COL6A3: variants seen among roughly 807,000 people sequenced by gnomAD.
The protein encoded by COL6A3 is collagen type VI alpha 3 chain.
A neutral mutation model predicts 274.1 loss-of-function variants in COL6A3; 137 were observed. The observed-to-expected ratio is 0.50, with a 90% confidence interval of 0.44 to 0.58. The LOEUF (loss-of-function observed/expected upper bound fraction) is 0.58. COL6A3 is among the 20% of genes least tolerant of loss of function. The pLI is 0.00. For synonymous variants in COL6A3, 1,650 were observed against 1,650.6 expected (o/e 1.00, Z 0.01); for missense variants, 3,950 against 4,124.9 (o/e 0.96, Z 1.16).
chr2:237,332,608 C>G (rs1333752308), intron 42 of COL6A3, among the ~76,000 whole-genome samples: 1 of 152,140 alleles, frequency 6.6e-6, no homozygotes, highest in South Asian at 2.1e-4. Flanking sequence ...AGACGATACA[C>G]CAAAAAATAA....
intron 11 of COL6A3, among the ~76,000 whole-genome samples, chr2:237,366,367 T>C (rs2077551056): frequency 6.6e-6 from 1 of 152,188 alleles, no homozygotes; most frequent in Admixed American, 6.5e-5. Context: ...AAATCAAATA[T>C]TCTGATCTCA....
intron 7 of COL6A3, among the ~76,000 whole-genome samples, chr2:237,376,469 CTG>C (rs1357942654): frequency 1.3e-5 from 2 of 152,240 alleles, no homozygotes; most frequent in South Asian, 2.1e-4. Flanking sequence ...ACCATAAAAA[CTG>C]TTTTTAAAAA....
chr2:237,351,754 TAA>T (rs2077211193), intron 26 of COL6A3, among the ~76,000 whole-genome samples: 1 of 152,260 alleles, frequency 6.6e-6, no homozygotes, highest in Non-Finnish European at 1.5e-5. Flanking sequence ...AATTGTTGAT[TAA>T]TTACAAGTTA....
chr2:237,412,883 G>C (rs1318672484), intron 1 of COL6A3, among the ~76,000 whole-genome samples: 1 of 152,156 alleles, frequency 6.6e-6, no homozygotes, highest in Non-Finnish European at 1.5e-5. Flanking sequence ...CAGCACAGCA[G>C]ACTCCCCTGT....
At position 237,344,601 on chromosome 2, in the gene COL6A3, T is replaced by A; in HGVS notation, c.7417A>T (p.Ile2473Phe). 1.9e-6 allele frequency: 3 copies of A among 1,614,200 alleles called. No individual in the cohort carries two copies. The highest frequency in any genetic ancestry group is 2.5e-6 in the Non-Finnish European group (3 of 1,180,042). The change falls in exon 36 of 44, where the codon ATT becomes TTT. Residue 2473 changes from isoleucine to phenylalanine, a missense_variant. Ile to Phe is a conservative substitution (Grantham distance 21). Transcript: ENST00000295550. This position sits in a 1 kb window ranked among gnomAD's most constrained non-coding sequence, Gnocchi z 4.8. Reference protein sequence around the residue: ...SKRKSVLLDKIKNLQVALTSK... With the variant: ...SKRKSVLLDKFKNLQVALTSK... ...GTCAGAGCCACCTGAAGGTTCTTAA[T>A]CTTGTCCAGGAGGACCGACTTCCTC...
In COL6A3 at chr2:237,340,465, T is replaced by C. The variant is rs61729844; in HGVS notation, c.8451A>G (p.Pro2817=). 152,399 of 1,612,866 alleles carry C rather than the reference T, an allele frequency of 0.094. 8,121 individuals are homozygous for C. The highest frequency in any genetic ancestry group is 0.11 in the Non-Finnish European group (127,157 of 1,179,870). The part of the protein sequence containing the change: ...EPLMRFGRLL[P]SFVSSENAFY... ...CGCAGGACTTACTGCTGACGAAGGA[T>C]GGCAACAGCCTCCCGAAGCGCATCA... The change falls in exon 38 of 44, where the codon CCA becomes CCG. Residue 2817 remains proline (P), a synonymous_variant. Coordinates refer to ENST00000295550, the MANE Select transcript of COL6A3 (RefSeq NM_004369.4).
intron 1 of COL6A3, among the ~76,000 whole-genome samples, chr2:237,409,885 G>A (rs1422531356): frequency 6.6e-6 from 1 of 152,004 alleles, no homozygotes; most frequent in African/African-American, 2.4e-5. Context: ...ATTAGATATG[G>A]GTAAAATGCT....
At chr2:237,359,770 C>T (rs772103289) in intron 17 of COL6A3, among the ~76,000 whole-genome samples, 1 of 152,248 alleles carries the variant, frequency 6.6e-6, no homozygotes, top group Non-Finnish European at 1.5e-5. Context: ...CCTTCCCTGA[C>T]TGCTCCCACG....
intron 3 of COL6A3, among the ~76,000 whole-genome samples, chr2:237,390,484 C>A (rs1160135556): frequency 2.0e-5 from 3 of 152,298 alleles, no homozygotes; most frequent in African/African-American, 7.2e-5. Flanking sequence ...CAAGGCGGAC[C>A]AATGACCAAT....
At chr2:237,394,537 A>T (rs996301410) in intron 3 of COL6A3, 50 bp downstream of exon 3, 1 of 1,612,312 alleles carries the variant, frequency 6.2e-7, no homozygotes, top group South Asian at 1.1e-5. Flanking sequence ...TGCCAAGCTC[A>T]TCTCCCAAGA....
chr2:237,369,288 G>T, intron 9 of COL6A3, 111 bp from the exon 10 acceptor site: 2 of 1,423,558 alleles, frequency 1.4e-6, no homozygotes, highest in Non-Finnish European at 1.9e-6. Context: ...TATATCCCAA[G>T]ATGCCTGTGT....
intron 23 of COL6A3, chr2:237,356,662 G>A (rs1258823378): frequency 6.4e-6 from 1 of 155,394 alleles, no homozygotes; most frequent in Non-Finnish European, 1.4e-5. Context: ...CCAGCATCCT[G>A]AATTTCCTCT....
intron 42 of COL6A3, chr2:237,329,246 G>C (rs564450009): frequency 4.1e-4 from 63 of 152,262 alleles, no homozygotes; most frequent in African/African-American, 1.3e-3. Context: ...GTAGAGACAG[G>C]GTTTCACCAT....
At chr2:237,359,872 C>G (rs1290363512) in intron 17 of COL6A3, among the ~76,000 whole-genome samples, 1 of 152,184 alleles carries the variant, frequency 6.6e-6, no homozygotes, top group Non-Finnish European at 1.5e-5. Context: ...CATGTTTCCA[C>G]AGGAAACTAT....
At position 237,344,529 on chromosome 2, in the gene COL6A3, T is replaced by C. The variant is rs1248735638; in HGVS notation, c.7489A>G (p.Asn2497Asp). ...LETAMSFVAR[N>D]TFKRVRNGFL... The stretch of plus-strand genomic sequence containing the variant: ...CCGTTCCTCACACGCTTAAATGTGT[T>C]CCTGGCCACAAACGACATGGCAGTC... Residue 2497 changes from asparagine (N) to aspartate (D), a missense_variant, in exon 36 of 44, where the codon AAC becomes GAC. Asn to Asp is a conservative substitution (Grantham distance 23). Around this residue, in one of 5 missense-constraint regions of COL6A3, gnomAD observed 1,284 missense variants for 1,349.7 expected, o/e 0.95. Coordinates refer to ENST00000295550, the MANE Select transcript of COL6A3 (RefSeq NM_004369.4). The surrounding 1 kb of genome is among the most constrained non-coding windows in gnomAD (Gnocchi z 4.8). The C allele has an allele frequency of 6.2e-7, 1 of 1,614,154 alleles. No homozygotes were observed. Among genetic ancestry groups the C allele is most frequent in the East Asian group, 2.2e-5 (1 of 44,880 alleles).
At chr2:237,408,375 G>A (rs1274799098) in intron 1 of COL6A3, among the ~76,000 whole-genome samples, 3 of 152,176 alleles carry the variant, frequency 2.0e-5, no homozygotes, top group African/African-American at 7.2e-5. Flanking sequence ...CCTGGGCTCT[G>A]ATGAATGATG....
intron 22 of COL6A3, 152 bp downstream of exon 22, chr2:237,357,665 A>T (rs2077347495): frequency 1.2e-6 from 1 of 863,848 alleles, no homozygotes; most frequent in South Asian, 1.4e-5. Context: ...CCCCACGGAG[A>T]CTTCCTTCAC....
rs778146525 is a variant in COL6A3 at position 237,336,371 on chromosome 2, G to A, written c.8729C>T (p.Ala2910Val). ...CACAGGTTTCGCAGGGGCCGGCTTT[G>A]CAGCGGCTGGCTTCACAGATGGCTG... Reference protein sequence around the residue: ...INQPSVKPAAAKPAPAKPVAA... With the variant: ...INQPSVKPAAVKPAPAKPVAA... Residue 2910 changes from alanine to valine, a missense_variant, in exon 40 of 44, where the codon GCA (alanine) becomes GTA (valine). By Grantham distance (64) the Ala-to-Val change is moderately conservative (BLOSUM62 0). Around this residue, in one of 5 missense-constraint regions of COL6A3, gnomAD observed 1,284 missense variants for 1,349.7 expected, o/e 0.95. Coordinates refer to ENST00000295550, the MANE Select transcript of COL6A3 (RefSeq NM_004369.4). The A allele has an allele frequency of 7.4e-6, 12 of 1,614,106 alleles. No homozygotes were observed. In the East Asian group the frequency reaches 2.5e-4, roughly 33 times the overall value.
In COL6A3 at chr2:237,364,269, A is replaced by T. The variant is rs1459712598; in HGVS notation, c.5917+81T>A. On this transcript the variant is annotated intron_variant, in intron 13 of 43. Coordinates refer to ENST00000295550, the MANE Select transcript of COL6A3 (RefSeq NM_004369.4). The surrounding 1 kb of genome is among the most constrained non-coding windows in gnomAD (Gnocchi z 4.6). ...TGCTCCCTTGGGGCGCTGCATTAGC[A>T]GAGAGGTTTCTCTCCAGCAGAGCAG... is the stretch of plus-strand genomic sequence containing the variant. 2.7e-6 allele frequency: 3 copies of T among 1,112,296 alleles called. No homozygotes were observed. The highest frequency in any genetic ancestry group is 1.4e-6 in the Non-Finnish European group (1 of 730,358). The allele number at this position is 1,112,296 out of a possible 1,614,324, so 68.9% of individuals were successfully genotyped here. A position where few individuals can be genotyped will look rare whatever the true frequency, so the allele number is the denominator to read the frequency against.
Sources: gnomAD v4.1 joint callset for allele counts (sites outside exome capture counted in the v4.1 genomes callset) on GRCh38, gnomAD v4.1.1 for gene constraint, gnomAD v4.1.1 regional missense constraint, Gnocchi (gnomAD v3.1) non-coding constraint, MANE v1.5 for transcripts, NCBI Gene and HGNC (gene_info 2026-07-23, HGNC 2026-07-21) for gene names.